The following RPRD2 variants were observed in gnomAD, a reference collection of about 807,000 sequenced individuals.
RPRD2 encodes regulation of nuclear pre-mRNA domain containing 2.
A neutral mutation model predicts 104.4 loss-of-function variants in RPRD2; 12 were observed. The ratio of observed to expected loss-of-function variants is 0.11; its 90% CI spans 0.07 to 0.19. The LOEUF (loss-of-function observed/expected upper bound fraction) is 0.19. RPRD2 is among the 10% of genes least tolerant of loss of function. RPRD2 has a pLI of 1.00. For missense variants in RPRD2, 1,543 were observed against 1,790.1 expected, an observed-to-expected ratio of 0.86 and a Z score of 2.49; for synonymous variants, 714 against 684.9, an observed-to-expected ratio of 1.04 and a Z score of -0.66.
At chr1:150,373,899 A>G (rs1203746817) in intron 1 of RPRD2, among the ~76,000 whole-genome samples, 1 of 152,108 alleles carries the variant, frequency 6.6e-6, no homozygotes, top group Non-Finnish European at 1.5e-5. Flanking sequence ...ACAGATATAG[A>G]AGAGGTCCAG....
intron 1 of RPRD2, among the ~76,000 whole-genome samples, chr1:150,412,217 A>G (rs1207306343): frequency 6.6e-6 from 1 of 152,206 alleles, no homozygotes; most frequent in Non-Finnish European, 1.5e-5. Context: ...ACAATGTGAT[A>G]AATGCTATAG....
chr1:150,380,716 G>A (rs1010489375), intron 1 of RPRD2, among the ~76,000 whole-genome samples: 20 of 150,928 alleles, frequency 1.3e-4, no homozygotes, highest in South Asian at 4.2e-4. Flanking sequence ...GTGCAATGGC[G>A]TGCTGTCGGC....
At chr1:150,373,845 G>A (rs1408854188) in intron 1 of RPRD2, among the ~76,000 whole-genome samples, 1 of 152,164 alleles carries the variant, frequency 6.6e-6, no homozygotes, top group Non-Finnish European at 1.5e-5. Context: ...ACTAGAGAGA[G>A]AGTGTAGATA....
chr1:150,428,385 G>A (rs1191844813), intron 2 of RPRD2, among the ~76,000 whole-genome samples: 11 of 150,144 alleles, frequency 7.3e-5, no homozygotes, highest in Non-Finnish European at 1.0e-4. Flanking sequence ...CCTGGGAGGC[G>A]GAGGTTGCAG....
intron 1 of RPRD2, among the ~76,000 whole-genome samples, chr1:150,404,493 G>C (rs1331975367): frequency 6.6e-6 from 1 of 151,892 alleles, no homozygotes; most frequent in Non-Finnish European, 1.5e-5. Context: ...CATTCCTCCT[G>C]CCTCGCTCGG....
chr1:150,472,205 A>G lies in RPRD2; in HGVS notation c.3257A>G (p.Glu1086Gly). The part of the protein sequence containing the change: ...DSTEEKGAPI[E>G]TLGYHSASNR... ...ACAGAAGAAAAGGGGGCCCCTATAG[A>G]AACCTTGGGTTATCACAGTGCATCC... Residue 1086 changes from glutamate to glycine, a missense_variant, in exon 11 of 11, where the codon GAA (glutamate) becomes GGA (glycine). Coordinates refer to ENST00000369068, the MANE Select transcript of RPRD2 (RefSeq NM_015203.5). 1 of 1,613,900 alleles carries G rather than the reference A, an allele frequency of 6.2e-7. No homozygotes were observed. The highest frequency in any genetic ancestry group is 8.5e-7 in the Non-Finnish European group (1 of 1,179,868).
intron 7 of RPRD2, among the ~76,000 whole-genome samples, chr1:150,457,084 C>T (rs587646192): frequency 6.6e-6 from 1 of 151,602 alleles, no homozygotes; most frequent in Admixed American, 6.6e-5. Context: ...ATTAGCCAGG[C>T]ATGGTGATGT....
At chr1:150,458,762 C>G (rs1667719480) in intron 8 of RPRD2, among the ~76,000 whole-genome samples, 4 of 152,076 alleles carry the variant, frequency 2.6e-5, no homozygotes, top group Admixed American at 1.3e-4. Context: ...GCCTCAGCCT[C>G]CCGAGTAGCT....
intron 6 of RPRD2, among the ~76,000 whole-genome samples, 198 bp downstream of exon 6, chr1:150,444,575 G>T (rs1666631236): frequency 6.6e-6 from 1 of 152,014 alleles, no homozygotes; most frequent in African/African-American, 2.4e-5. Context: ...TACTTTCTTG[G>T]TGTACTAGGT....
chr1:150,379,407 C>T (rs1660963839), intron 1 of RPRD2, among the ~76,000 whole-genome samples: 1 of 151,564 alleles, frequency 6.6e-6, no homozygotes, highest in Non-Finnish European at 1.5e-5. Context: ...TTTTTATTTA[C>T]GTATTTTTTT....
Position 150,417,584 on chromosome 1 carries a change from T to C in RPRD2, c.206-12T>C. On this transcript the variant is annotated splice_polypyrimidine_tract_variant and intron_variant, in intron 1 of 10. Coordinates refer to ENST00000369068, the MANE Select transcript of RPRD2 (RefSeq NM_015203.5). ...TCATTTGGTTTTATTTATTGTCTTT[T>C]GTCATCTCTAGCTGCATATCCCCAC... is the stretch of plus-strand genomic sequence containing the variant. The C allele has an allele frequency of 6.6e-7, 1 of 1,517,416 alleles. No individual in the cohort carries two copies. The highest frequency in any genetic ancestry group is 1.3e-5 in the South Asian group (1 of 77,828). 94.0% of individuals were successfully genotyped at this position (1,517,416 alleles called of 1,614,324 possible). A position where few individuals can be genotyped will look rare whatever the true frequency, so the allele number is the denominator to read the frequency against.
intron 2 of RPRD2, among the ~76,000 whole-genome samples, chr1:150,418,959 C>T (rs1553889086): frequency 1.3e-5 from 2 of 152,158 alleles, no homozygotes; most frequent in African/African-American, 4.8e-5. Flanking sequence ...TTGCAGTAAG[C>T]CGAGATCACG....
intron 1 of RPRD2, among the ~76,000 whole-genome samples, chr1:150,388,335 T>C (rs1017316053): frequency 1.5e-5 from 2 of 134,254 alleles, no homozygotes; most frequent in Admixed American, 7.6e-5. Flanking sequence ...TGTATATACA[T>C]GTGTATATAC....
chr1:150,380,706 G>A (rs1661059296), intron 1 of RPRD2, among the ~76,000 whole-genome samples: 3 of 151,234 alleles, frequency 2.0e-5, no homozygotes, highest in Admixed American at 2.0e-4. Context: ...CCAGGCTGGA[G>A]TGCAATGGCG....
intron 2 of RPRD2, among the ~76,000 whole-genome samples, chr1:150,429,480 A>T (rs1326593439): frequency 6.6e-6 from 1 of 151,908 alleles, no homozygotes; most frequent in Non-Finnish European, 1.5e-5. Flanking sequence ...TCAGCTCCCC[A>T]GATAGCTGAG....
At chr1:150,468,880 A>G (rs1045908889) in intron 10 of RPRD2, among the ~76,000 whole-genome samples, 6 of 124,618 alleles carry the variant, frequency 4.8e-5, no homozygotes, top group African/African-American at 1.6e-4. Flanking sequence ...CTGTCTCTTG[A>G]AAAAAAAAAA....
chr1:150,425,944 C>G (rs1465180272), intron 2 of RPRD2, among the ~76,000 whole-genome samples: 1 of 151,878 alleles, frequency 6.6e-6, no homozygotes, highest in African/African-American at 2.4e-5. Flanking sequence ...GACCTCATCT[C>G]TACTAAATTA....
At chr1:150,453,198 A>G (rs1175161093) in intron 7 of RPRD2, among the ~76,000 whole-genome samples, 3 of 151,586 alleles carry the variant, frequency 2.0e-5, no homozygotes, top group African/African-American at 4.9e-5. Flanking sequence ...ACGCCCAGCT[A>G]ATTTTTGTAT....
chr1:150,384,007 T>G (rs1377531970), intron 1 of RPRD2, among the ~76,000 whole-genome samples: 10 of 152,152 alleles, frequency 6.6e-5, no homozygotes, highest in African/African-American at 2.4e-4. Flanking sequence ...ACTGTCAAAG[T>G]TTAGGAACTA....
Sources: allele counts gnomAD v4.1 joint callset (sites outside exome capture counted in the v4.1 genomes callset), GRCh38; gene constraint gnomAD v4.1.1; transcripts MANE v1.5; gene names NCBI Gene and HGNC (gene_info 2026-07-23, HGNC 2026-07-21).